The following ALK variants were observed in gnomAD, a reference collection of about 807,000 sequenced individuals.
The protein encoded by ALK is ALK tyrosine kinase receptor.
ALK carries 74 observed loss-of-function variants against 163.1 expected under a neutral mutation model. The observed-to-expected ratio is 0.45, with a 90% CI of 0.38 to 0.55. ALK has a LOEUF of 0.55. Ranked by LOEUF, ALK falls within the 20% of genes least tolerant of loss-of-function variation. The probability of loss-of-function intolerance (pLI) is 0.00; values close to 1 mark genes in which losing one functional copy is unlikely to be tolerated. For missense variants in ALK, 2,063 were observed against 2,105.3 expected, an observed-to-expected ratio of 0.98 and a Z score of 0.39; for synonymous variants, 960 against 843.2, an observed-to-expected ratio of 1.14 and a Z score of -2.40.
At chr2:29,294,450 C>T (rs1355028575) in intron 9 of ALK, among the ~76,000 whole-genome samples, 2 of 152,210 alleles carry the variant, frequency 1.3e-5, no homozygotes, top group Non-Finnish European at 2.9e-5. Context: ...CATTATTATA[C>T]TATAGTTATT....
intron 4 of ALK, among the ~76,000 whole-genome samples, chr2:29,428,910 C>T (rs915762758): frequency 6.6e-6 from 1 of 151,944 alleles, no homozygotes; most frequent in African/African-American, 2.4e-5. Flanking sequence ...AAGACTTGTA[C>T]TCCATGACCA....
At chr2:29,787,946 A>G (rs1664085492) in intron 1 of ALK, among the ~76,000 whole-genome samples, 1 of 152,242 alleles carries the variant, frequency 6.6e-6, no homozygotes, top group Admixed American at 6.5e-5. Context: ...GTATATGGAA[A>G]TATTGGTTAG....
chr2:29,784,712 A>AC lies in ALK; in HGVS notation c.668-67016_668-67015insG, dbSNP rs376622075. Among the ~76,000 whole-genome samples the AC allele has an allele frequency of 5.6e-3, 469 of 83,956 alleles. 2 individuals are homozygous for AC. The highest frequency in any genetic ancestry group is 0.019 in the African/African-American group (424 of 22,846). 55.1% of individuals were successfully genotyped at this position (83,956 alleles called of 152,430 possible). ...CTCCGTCTCAACAACAACAACAACA[A>AC]AAACAACAACAACAACAACAACAAA... On this transcript the variant is annotated intron_variant, in intron 1 of 28. Transcript: ENST00000389048.
intron 8 of ALK, among the ~76,000 whole-genome samples, chr2:29,300,487 A>C (rs1573206800): frequency 6.7e-6 from 1 of 148,782 alleles, no homozygotes. Context: ...CCTGGGAGGC[A>C]GAGGTTGCAG....
At chr2:29,305,603 C>A (rs1666488576) in intron 8 of ALK, among the ~76,000 whole-genome samples, 1 of 152,078 alleles carries the variant, frequency 6.6e-6, no homozygotes, top group Non-Finnish European at 1.5e-5. Flanking sequence ...ATGTAAATAC[C>A]CATGCCAAGT....
chr2:29,398,841 C>T (rs1463357899), intron 4 of ALK, among the ~76,000 whole-genome samples: 1 of 152,150 alleles, frequency 6.6e-6, no homozygotes, highest in African/African-American at 2.4e-5. Flanking sequence ...CAGCTCAGAG[C>T]AGGTTCAGAG....
intron 3 of ALK, among the ~76,000 whole-genome samples, chr2:29,661,741 C>G (rs1677354449): frequency 6.6e-6 from 1 of 152,178 alleles, no homozygotes; most frequent in East Asian, 1.9e-4. Flanking sequence ...TGTGTTCACT[C>G]TATCCTCCAC....
intron 14 of ALK, 76 bp downstream of exon 14, chr2:29,233,489 A>G: frequency 6.2e-7 from 1 of 1,605,352 alleles, no homozygotes. Context: ...AGGTGTTTCT[A>G]TCCCAGGGCT....
chr2:29,542,118 G>T (rs4392206), intron 3 of ALK, among the ~76,000 whole-genome samples: 37,828 of 152,060 alleles, frequency 0.25, 5,564 homozygotes, highest in Non-Finnish European at 0.33. Context: ...CAATTAATCT[G>T]CCCTTTGTGG....
At chr2:29,585,268 G>T (rs1319744130) in intron 3 of ALK, among the ~76,000 whole-genome samples, 1 of 152,094 alleles carries the variant, frequency 6.6e-6, no homozygotes, top group Non-Finnish European at 1.5e-5. Context: ...AAAGTCAATT[G>T]CAATTCAAAC....
At chr2:29,832,142 C>A (rs1418258054) in intron 1 of ALK, among the ~76,000 whole-genome samples, 1 of 152,208 alleles carries the variant, frequency 6.6e-6, no homozygotes, top group Non-Finnish European at 1.5e-5. Context: ...TAAAGGGCAT[C>A]TCAACATCAT....
intron 1 of ALK, among the ~76,000 whole-genome samples, chr2:29,749,869 G>A (rs1680307456): frequency 6.6e-6 from 1 of 152,220 alleles, no homozygotes; most frequent in Non-Finnish European, 1.5e-5. Context: ...CCACGGAATA[G>A]GAACACATTC....
Position 29,831,263 on chromosome 2 carries a change from G to GAAGAAGAAGAAGAAGAAT in ALK, c.667+88729_667+88730insATTCTTCTTCTTCTTCTT, listed in dbSNP as rs1558509087. On this transcript the variant is annotated intron_variant, in intron 1 of 28. Transcript: ENST00000389048. ...AGAAGAAGAGGAAGAGGAAGAGGAA[G>GAAGAAGAAGAAGAAGAAT]AAGAAGAAGAAGAAGAAGAAGAAGA... Among the ~76,000 whole-genome samples, 65 of 75,772 alleles carry GAAGAAGAAGAAGAAGAAT rather than the reference G, an allele frequency of 8.6e-4. 14 individuals are homozygous for GAAGAAGAAGAAGAAGAAT. The highest frequency in any genetic ancestry group is 1.3e-3 in the East Asian group (2 of 1,492). The allele number at this position is 75,772 out of a possible 152,430, so 49.7% of individuals were successfully genotyped here. A position where few individuals can be genotyped will look rare whatever the true frequency, so the allele number is the denominator to read the frequency against.
chr2:29,897,337 CA>C (rs544313245), intron 1 of ALK, among the ~76,000 whole-genome samples: 1,852 of 136,682 alleles, frequency 0.014, 23 homozygotes, highest in South Asian at 0.03. Flanking sequence ...GACTCCATCT[CA>C]AAAAAAAAAT....
intron 28 of ALK, among the ~76,000 whole-genome samples, chr2:29,194,338 G>A (rs34802071): frequency 1.3e-5 from 2 of 152,208 alleles, no homozygotes; most frequent in South Asian, 2.1e-4. Context: ...GAGTGATGGT[G>A]GGGGGCTGGG....
chr2:29,886,918 G>A (rs753246993), intron 1 of ALK, among the ~76,000 whole-genome samples: 2 of 152,200 alleles, frequency 1.3e-5, no homozygotes, highest in Non-Finnish European at 2.9e-5. Context: ...GAAGGGAAGA[G>A]AAAGACTGAA....
At chr2:29,760,727 T>C (rs919797870) in intron 1 of ALK, among the ~76,000 whole-genome samples, 2 of 152,220 alleles carry the variant, frequency 1.3e-5, no homozygotes, top group Non-Finnish European at 2.9e-5. Flanking sequence ...GGATTACTAC[T>C]AATTTTTATT....
intron 4 of ALK, among the ~76,000 whole-genome samples, chr2:29,446,266 C>T (rs1036051596): frequency 6.6e-6 from 1 of 152,034 alleles, no homozygotes. Flanking sequence ...AGCAACAAGG[C>T]TCTGAGGTCC....
chr2:29,318,539 T>A lies in ALK; in HGVS notation c.1547-135A>T, dbSNP rs757439970. 31 of 684,720 alleles carry A rather than the reference T, an allele frequency of 4.5e-5. 1 individual carries two copies. The South Asian group carries it at 5.1e-4, about 11-fold the overall frequency. 42.4% of individuals were successfully genotyped at this position (684,720 alleles called of 1,614,324 possible). Reference sequence around the variant, plus strand: ...GAGGAAACAGGTTTCTGGCCTGCAATGGAGAAGAAAGCCCACCTGTCAACA... The same window carrying A: ...GAGGAAACAGGTTTCTGGCCTGCAAAGGAGAAGAAAGCCCACCTGTCAACA... On this transcript the variant is annotated intron_variant, in intron 7 of 28. Transcript: ENST00000389048.
Sources: gnomAD v4.1 joint callset for allele counts (sites outside exome capture counted in the v4.1 genomes callset) on GRCh38, gnomAD v4.1.1 for gene constraint, MANE v1.5 for transcripts, NCBI Gene and HGNC (gene_info 2026-07-23, HGNC 2026-07-21) for gene names.